The following TNPO3 variants were observed in gnomAD, a reference collection of about 807,000 sequenced individuals.
The protein encoded by TNPO3 is transportin-3.
Under a neutral mutation model 122.8 loss-of-function variants are expected in TNPO3, and 65 were observed. The observed-to-expected ratio is 0.53, with a 90% CI of 0.43 to 0.65. The LOEUF is 0.65. Among genes scored for constraint, TNPO3 ranks in the 30% least tolerant of loss-of-function variants. The probability of loss-of-function intolerance (pLI) is 0.00; values close to 1 mark genes in which losing one functional copy is unlikely to be tolerated. For synonymous variants in TNPO3, 372 were observed against 411.2 expected, an observed-to-expected ratio of 0.90 and a Z score of 1.15; for missense variants, 850 against 1,136.7, an observed-to-expected ratio of 0.75 and a Z score of 3.63.
chr7:128,982,123 T>A, intron 14 of TNPO3, 125 bp downstream of exon 14: 1 of 718,300 alleles, frequency 1.4e-6, no homozygotes, highest in Non-Finnish European at 2.2e-6. Context: ...ACAGCTGGCT[T>A]AATTAGTCTC....
rs1365365389 is a variant in TNPO3, at chr7:129,055,059, C to T, written c.-289G>A. ...GCTCCCGTCTTCAGTCGCTGACTTG[C>T]CCTCAGAAGCCTATCTTGGGAGGCC... On this transcript the variant is annotated 5_prime_UTR_variant, in exon 1 of 23. Coordinates refer to ENST00000265388, the MANE Select transcript of TNPO3 (RefSeq NM_012470.4). The T allele has an allele frequency of 1.8e-5, 7 of 399,786 alleles. No individual in the cohort carries two copies. Among genetic ancestry groups the T allele is most frequent in the Non-Finnish European group, 3.3e-5 (7 of 212,216 alleles). 24.8% of individuals were successfully genotyped at this position (399,786 alleles called of 1,614,324 possible). A position where few individuals can be genotyped will look rare whatever the true frequency, so the allele number is the denominator to read the frequency against.
chr7:129,008,115 C>T (rs1174214251), intron 4 of TNPO3, among the ~76,000 whole-genome samples: 1 of 151,586 alleles, frequency 6.6e-6, no homozygotes, highest in Non-Finnish European at 1.5e-5. Flanking sequence ...CGCCATGGTA[C>T]TCCAGCCTGG....
chr7:129,020,385 G>A (rs1234791426), intron 1 of TNPO3, among the ~76,000 whole-genome samples: 4 of 152,042 alleles, frequency 2.6e-5, no homozygotes, highest in Non-Finnish European at 4.4e-5. Context: ...AGTAACCCAA[G>A]CACACCTATG....
Position 129,000,425 on chromosome 7 carries a change from C to G in TNPO3, c.1011+4G>C. On this transcript the variant is annotated splice_donor_region_variant and intron_variant, in intron 7 of 22. Coordinates refer to ENST00000265388, the MANE Select transcript of TNPO3 (RefSeq NM_012470.4). ...TAATGGCCTTTGAATAGCATAAACA[C>G]TACCTCATATTGAGGATGGCCTGCA... 1 of 1,611,284 alleles carries G rather than the reference C, an allele frequency of 6.2e-7. No homozygotes were observed. Among genetic ancestry groups the G allele is most frequent in the Non-Finnish European group, 8.5e-7 (1 of 1,178,348 alleles).
chr7:128,966,512 T>C (rs541143331), intron 21 of TNPO3, among the ~76,000 whole-genome samples: 93 of 152,236 alleles, frequency 6.1e-4, no homozygotes, highest in Non-Finnish European at 1.0e-3. Context: ...TAACCTTTGA[T>C]TCGGTGATTA....
intron 14 of TNPO3, among the ~76,000 whole-genome samples, chr7:128,980,461 A>G (rs919115298): frequency 2.0e-5 from 3 of 152,094 alleles, no homozygotes; most frequent in African/African-American, 7.2e-5. Context: ...TACAAAAATA[A>G]GCCGGGCGTG....
intron 21 of TNPO3, among the ~76,000 whole-genome samples, chr7:128,962,025 T>C (rs1797504144): frequency 1.3e-5 from 2 of 152,204 alleles, no homozygotes; most frequent in South Asian, 4.1e-4. Context: ...AAGAATGTTA[T>C]TTTAGACTGA....
chr7:129,027,199 T>G (rs1417314694), intron 1 of TNPO3, among the ~76,000 whole-genome samples: 1 of 152,118 alleles, frequency 6.6e-6, no homozygotes, highest in African/African-American at 2.4e-5. Context: ...CTCATGACAT[T>G]TATCGGGTGT....
intron 15 of TNPO3, 71 bp from the exon 16 acceptor site, chr7:128,979,194 G>T (rs1799386060): frequency 6.3e-7 from 1 of 1,575,372 alleles, no homozygotes; most frequent in Non-Finnish European, 8.7e-7. Flanking sequence ...TGCTAAGTTG[G>T]TAACACCTCA....
chr7:129,017,016 G>T lies in TNPO3; in HGVS notation c.362C>A (p.Ser121Tyr). The T allele has an allele frequency of 6.2e-7, 1 of 1,612,948 alleles. No individual in the cohort carries two copies. The highest frequency in any genetic ancestry group is 8.5e-7 in the Non-Finnish European group (1 of 1,179,936). ...AIADLALQMPSWKGCVQTLVE... is the reference protein window; with the variant it reads ...AIADLALQMPYWKGCVQTLVE... ...CAGTGTTTGCACACATCCCTTCCAG[G>T]AAGGCATCTGTAGGGCAAGATCTGC... The change falls in exon 3 of 23, where the codon TCC becomes TAC. Residue 121 changes from serine to tyrosine, a missense_variant. Physicochemically the swap from Ser to Tyr is moderately radical, Grantham distance 144. Transcript: ENST00000265388.
chr7:128,968,316 T>C (rs926709989), intron 20 of TNPO3, among the ~76,000 whole-genome samples: 3 of 152,194 alleles, frequency 2.0e-5, no homozygotes, highest in African/African-American at 7.2e-5. Context: ...TTTACTTATA[T>C]ATTTTTTATA....
rs1403436497 is a variant in TNPO3, at chr7:128,954,809, G to C, written c.*608C>G. ...TCTACTCATTTGCATTTAAAAGGAGGGGAGAGAGAAAGAGAAGGAAGGGTA... is the reference window on the plus strand; with the variant it reads ...TCTACTCATTTGCATTTAAAAGGAGCGGAGAGAGAAAGAGAAGGAAGGGTA... On this transcript the variant is annotated 3_prime_UTR_variant, in exon 23 of 23. Transcript: ENST00000265388. 1 of 153,724 alleles carries C rather than the reference G, an allele frequency of 6.5e-6. No individual in the cohort carries two copies. Among genetic ancestry groups the C allele is most frequent in the African/African-American group, 2.4e-5 (1 of 41,428 alleles). The allele number at this position is 153,724 out of a possible 1,614,324, so 9.5% of individuals were successfully genotyped here.
chr7:128,985,465 G>A (rs1800046301), intron 12 of TNPO3, among the ~76,000 whole-genome samples: 1 of 152,144 alleles, frequency 6.6e-6, no homozygotes. Flanking sequence ...GCATAGTGGT[G>A]TGCACCTGTA....
At chr7:129,054,298 G>T (rs1429781927) in intron 1 of TNPO3, among the ~76,000 whole-genome samples, 1 of 152,196 alleles carries the variant, frequency 6.6e-6, no homozygotes, top group African/African-American at 2.4e-5. Context: ...GCGGAAGGTG[G>T]AGAAACACTG....
At chr7:129,029,456 G>C (rs1805647677) in intron 1 of TNPO3, 1 of 153,084 alleles carries the variant, frequency 6.5e-6, no homozygotes, top group Non-Finnish European at 1.5e-5. Context: ...GTAGGAAGTA[G>C]CTGTACCAAT....
At chr7:128,999,055 G>A (rs2150373089) in intron 7 of TNPO3, among the ~76,000 whole-genome samples, 1 of 152,186 alleles carries the variant, frequency 6.6e-6, no homozygotes, top group Non-Finnish European at 1.5e-5. Flanking sequence ...GTTTCATCAT[G>A]TTGGTCAGGC....
At chr7:129,022,605 T>C (rs1804656791) in intron 1 of TNPO3, among the ~76,000 whole-genome samples, 1 of 151,956 alleles carries the variant, frequency 6.6e-6, no homozygotes, top group African/African-American at 2.4e-5. Flanking sequence ...GTAAAATTAA[T>C]ATACTTAAAG....
chr7:128,970,623 GTTAGCAATTT>G (rs1798374438), intron 19 of TNPO3: 1 of 187,478 alleles, frequency 5.3e-6, no homozygotes. Context: ...AAGAATTAAA[GTTAGCAATTT>G]TTAAAATTTT....
intron 20 of TNPO3, among the ~76,000 whole-genome samples, chr7:128,968,852 A>G (rs560190248): frequency 1.3e-5 from 2 of 152,082 alleles, no homozygotes; most frequent in African/African-American, 4.8e-5. Context: ...CTGGGACTAT[A>G]GATGTATGCC....
Sources: allele counts gnomAD v4.1 joint callset (sites outside exome capture counted in the v4.1 genomes callset), GRCh38; gene constraint gnomAD v4.1.1; transcripts MANE v1.5; gene names NCBI Gene and HGNC (gene_info 2026-07-23, HGNC 2026-07-21).